RGPD8: variants seen among roughly 807,000 people sequenced by gnomAD.
RGPD8 encodes the protein RANBP2-like and GRIP domain-containing protein 8.
A neutral mutation model predicts 89.1 loss-of-function variants in RGPD8; 15 were observed. The observed-to-expected ratio is 0.17, with a 90% CI of 0.11 to 0.26. The LOEUF (loss-of-function observed/expected upper bound fraction) is 0.26. Among genes scored for constraint, RGPD8 ranks in the 10% least tolerant of loss-of-function variants. The pLI is 1.00. For synonymous variants in RGPD8, 62 were observed against 420.9 expected, an observed-to-expected ratio of 0.15 and a Z score of 10.44; for missense variants, 178 against 1,179.6, an observed-to-expected ratio of 0.15 and a Z score of 12.44.
rs1328883699 is a variant in RGPD8 at position 112,385,326 on chromosome 2, G to GA, written c.4921+2697dup. 1.3e-4 allele frequency among the ~76,000 whole-genome samples: 19 copies of GA among 148,122 alleles called. No homozygotes were observed. In the Admixed American group the frequency reaches 1.3e-3, roughly 10 times the overall value. Reference sequence around the variant, plus strand: ...TGCAAAGGGCAAAAAATTAGAAACAGAAAAAACTTCTATATGCAACCTGTT... The same window carrying GA: ...TGCAAAGGGCAAAAAATTAGAAACAGAAAAAAACTTCTATATGCAACCTGTT... On this transcript the variant is annotated intron_variant, in intron 20 of 22. Transcript: ENST00000302558.
At chr2:112,377,481 G>A (rs2104763623) in intron 22 of RGPD8, among the ~76,000 whole-genome samples, 1 of 99,678 alleles carries the variant, frequency 1.0e-5, no homozygotes, top group South Asian at 4.8e-4. Flanking sequence ...ATTTCACCAT[G>A]TTGGCCAGGA....
chr2:112,380,608 G>A (rs1337364794), intron 21 of RGPD8, among the ~76,000 whole-genome samples: 7 of 142,044 alleles, frequency 4.9e-5, no homozygotes, highest in East Asian at 2.1e-4. Flanking sequence ...AGCTAAGATC[G>A]TGCCACTGCA....
intron 1 of RGPD8, chr2:112,432,587 T>C: frequency 1.0e-6 from 1 of 985,012 alleles, no homozygotes; most frequent in Non-Finnish European, 1.2e-6. Context: ...CCCCACTGGG[T>C]TCCTCCAGGC....
chr2:112,424,132 T>A (rs909280303), intron 2 of RGPD8, 108 bp downstream of exon 2: 2 of 1,310,560 alleles, frequency 1.5e-6, no homozygotes, highest in African/African-American at 3.0e-5. Context: ...TATTCCAGAA[T>A]ACACTTAGGA....
intron 4 of RGPD8, among the ~76,000 whole-genome samples, chr2:112,419,900 T>C (rs1679514584): frequency 7.2e-6 from 1 of 138,954 alleles, no homozygotes; most frequent in Non-Finnish European, 1.5e-5. Context: ...GTAATATTTA[T>C]CTTTGGAAGC....
intron 1 of RGPD8, chr2:112,432,479 G>A (rs1680084738): frequency 4.1e-6 from 4 of 985,264 alleles, no homozygotes; most frequent in Non-Finnish European, 4.8e-6. Context: ...GGGACTTTCC[G>A]TGTCATTTGT....
At chr2:112,382,520 CG>C (rs1678348669) in intron 20 of RGPD8, among the ~76,000 whole-genome samples, 1 of 152,154 alleles carries the variant, frequency 6.6e-6, no homozygotes, top group South Asian at 2.1e-4. Flanking sequence ...ACACAGACTC[CG>C]TATCAGTTGT....
intron 1 of RGPD8, among the ~76,000 whole-genome samples, chr2:112,424,908 G>GA (rs1316839718): frequency 1.4e-5 from 2 of 147,192 alleles, no homozygotes; most frequent in East Asian, 4.0e-4. Flanking sequence ...TCTCCAGGGG[G>GA]AAAAAAATAG....
chr2:112,387,511 A>G (rs1678502245), intron 20 of RGPD8, among the ~76,000 whole-genome samples: 1 of 132,756 alleles, frequency 7.5e-6, no homozygotes, highest in African/African-American at 2.7e-5. Context: ...ATAGGCACGC[A>G]CCACCATGCC....
chr2:112,370,723 T>C (rs1474558849), intron 22 of RGPD8, among the ~76,000 whole-genome samples: 3 of 128,702 alleles, frequency 2.3e-5, no homozygotes, highest in African/African-American at 8.6e-5. Context: ...TTAAAGGATA[T>C]ACTGAATTTC....
chr2:112,417,020 T>C (rs1372237966), intron 6 of RGPD8, among the ~76,000 whole-genome samples, 173 bp downstream of exon 6: 2 of 147,958 alleles, frequency 1.4e-5, no homozygotes, highest in Non-Finnish European at 2.9e-5. Flanking sequence ...CAATTAGAAC[T>C]TCCCTGTAAA....
chr2:112,433,408 G>C lies in RGPD8; in HGVS notation c.46C>G (p.Leu16Val), dbSNP rs1439902121. Residue 16 changes from leucine (L) to valine (V), a missense_variant, in exon 1 of 23, where the codon CTG becomes GTG. By Grantham distance (32) the Leu-to-Val change is conservative. Transcript: ENST00000302558. ...ADVERYVASV[L>V]GLTPSPRQKS... The stretch of plus-strand genomic sequence containing the variant: ...TGTCGAGGCGACGGGGTGAGACCCA[G>C]CACCGAGGCGACGTACCGCTCCACA... The C allele has an allele frequency of 1.2e-6, 2 of 1,610,522 alleles. No individual in the cohort carries two copies. The highest frequency in any genetic ancestry group is 2.7e-5 in the African/African-American group (2 of 74,704).
At chr2:112,427,016 C>T (rs1034930829) in intron 1 of RGPD8, among the ~76,000 whole-genome samples, 4 of 151,438 alleles carry the variant, frequency 2.6e-5, no homozygotes, top group African/African-American at 4.9e-5. Context: ...AAGATGGTGT[C>T]GATCTCTCGA....
intron 1 of RGPD8, among the ~76,000 whole-genome samples, chr2:112,429,415 C>CAAAAAAAAAA (rs71412832): frequency 1.9e-3 from 85 of 45,086 alleles, no homozygotes; most frequent in African/African-American, 2.3e-3. Flanking sequence ...GACTCCGTCT[C>CAAAAAAAAAA]AAAAAAAAAA....
In RGPD8 at chr2:112,374,574, T is replaced by C. The variant is rs76792099; in HGVS notation, c.5263+3479A>G. Among the ~76,000 whole-genome samples the C allele has an allele frequency of 9.3e-4, 124 of 133,576 alleles. 1 individual carries two copies. The highest frequency in any genetic ancestry group is 2.8e-3 in the African/African-American group (106 of 38,258). The allele number at this position is 133,576 out of a possible 152,430, so 87.6% of individuals were successfully genotyped here. ...TTTTGAGATTTCTCTCTGTCTTTTTTAGGGGCAGTTTTACTCTTATGTGAC... is the reference window on the plus strand; with the variant it reads ...TTTTGAGATTTCTCTCTGTCTTTTTCAGGGGCAGTTTTACTCTTATGTGAC... On this transcript the variant is annotated intron_variant, in intron 22 of 22. Transcript: ENST00000302558.
At chr2:112,425,777 G>T (rs1316228700) in intron 1 of RGPD8, among the ~76,000 whole-genome samples, 2 of 143,498 alleles carry the variant, frequency 1.4e-5, no homozygotes, top group East Asian at 2.0e-4. Flanking sequence ...AAAAAAAAAT[G>T]CTGATACAAC....
At chr2:112,415,980 C>G (rs1379252999) in intron 6 of RGPD8, among the ~76,000 whole-genome samples, 12 of 152,006 alleles carry the variant, frequency 7.9e-5, no homozygotes, top group Admixed American at 7.9e-4. Context: ...GTCCCAGCTA[C>G]TTGGGAGGCT....
intron 7 of RGPD8, among the ~76,000 whole-genome samples, chr2:112,410,860 C>A (rs1326340637): frequency 7.2e-5 from 11 of 152,274 alleles, no homozygotes; most frequent in African/African-American, 2.4e-4. Context: ...CCGAGACGCG[C>A]AGATCACCTG....
chr2:112,427,414 C>G lies in RGPD8; in HGVS notation c.73-3107G>C, dbSNP rs939323542. On this transcript the variant is annotated intron_variant, in intron 1 of 22. Coordinates refer to ENST00000302558, the MANE Select transcript of RGPD8 (RefSeq NM_001164463.1). Reference sequence around the variant, plus strand: ...CACAGCCCATGTTATGTAAACAGGACAATATCTGATGCAAGCAGTACTTCT... The same window carrying G: ...CACAGCCCATGTTATGTAAACAGGAGAATATCTGATGCAAGCAGTACTTCT... Among the ~76,000 whole-genome samples, 30 of 152,246 alleles carry G rather than the reference C, an allele frequency of 2.0e-4. 1 individual carries two copies. The highest frequency in any genetic ancestry group is 2.0e-3 in the Admixed American group (30 of 15,276).
Sources: gnomAD v4.1 joint callset for allele counts (sites outside exome capture counted in the v4.1 genomes callset) on GRCh38, gnomAD v4.1.1 for gene constraint, MANE v1.5 for transcripts, NCBI Gene and HGNC (gene_info 2026-07-23, HGNC 2026-07-21) for gene names.